The following BCL11B variants were observed in gnomAD, a reference collection of about 807,000 sequenced individuals.
BCL11B encodes B-cell lymphoma/leukemia 11B.
A neutral mutation model predicts 49.9 loss-of-function variants in BCL11B; 8 were observed. The ratio of observed to expected loss-of-function variants is 0.16; its 90% CI spans 0.09 to 0.29. BCL11B has a LOEUF of 0.29. Among genes scored for constraint, BCL11B ranks in the 10% least tolerant of loss-of-function variants. BCL11B has a pLI of 1.00. For missense variants in BCL11B, 1,006 were observed against 1,351.0 expected, an observed-to-expected ratio of 0.74 and a Z score of 4.00; for synonymous variants, 739 against 637.4, an observed-to-expected ratio of 1.16 and a Z score of -2.40.
intron 1 of BCL11B, among the ~76,000 whole-genome samples, chr14:99,268,924 G>C (rs1331515688): frequency 6.6e-6 from 1 of 152,124 alleles, no homozygotes; most frequent in East Asian, 1.9e-4. Context: ...AGCGAGACAG[G>C]GAACAAATGA....
intron 2 of BCL11B, among the ~76,000 whole-genome samples, chr14:99,233,577 C>T (rs1475255752): frequency 6.6e-6 from 1 of 152,152 alleles, no homozygotes; most frequent in Non-Finnish European, 1.5e-5. Context: ...ACTGAGAAAC[C>T]AGCAGAAGCA....
chr14:99,238,252 G>A (rs1358929349), intron 2 of BCL11B, among the ~76,000 whole-genome samples: 2 of 152,036 alleles, frequency 1.3e-5, no homozygotes, highest in African/African-American at 2.4e-5. Context: ...GTCCCCCACC[G>A]ACACTACCAA....
chr14:99,233,105 T>G (rs1162357188), intron 2 of BCL11B, among the ~76,000 whole-genome samples: 1 of 152,140 alleles, frequency 6.6e-6, no homozygotes, highest in East Asian at 1.9e-4. Context: ...CTAGATTTAG[T>G]GCCATCCCTC....
rs1435141236 is a variant in BCL11B at position 99,265,618 on chromosome 14, G to A, written c.58+5543C>T. On this transcript the variant is annotated intron_variant, in intron 1 of 3. Transcript: ENST00000357195. ...TTCTGCAGCTCAGAGACCACCGTCC[G>A]GCCCAAGACTTCGAGGTCACCGTGC... Among the ~76,000 whole-genome samples, 3 of 152,164 alleles carry A rather than the reference G, an allele frequency of 2.0e-5. No homozygotes were observed. The South Asian group carries it at 6.2e-4, about 32-fold the overall frequency.
At chr14:99,264,706 G>C (rs1232179249) in intron 1 of BCL11B, 1 of 152,128 alleles carries the variant, frequency 6.6e-6, no homozygotes, top group Admixed American at 6.5e-5. Flanking sequence ...CCGTGAATGT[G>C]GCACCATTCA....
chr14:99,199,305 A>G (rs1034618001), intron 3 of BCL11B, among the ~76,000 whole-genome samples: 2 of 152,164 alleles, frequency 1.3e-5, no homozygotes, highest in African/African-American at 4.8e-5. Flanking sequence ...ATACCACTGA[A>G]TTACAGGTTA....
chr14:99,175,335 C>T lies in BCL11B; in HGVS notation c.1501G>A (p.Gly501Ser), dbSNP rs532561475. Residue 501 changes from glycine (G) to serine (S), a missense_variant, in exon 4 of 4, where the codon GGC becomes AGC. By Grantham distance (56) the Gly-to-Ser change is moderately conservative. Coordinates refer to ENST00000357195, the MANE Select transcript of BCL11B (RefSeq NM_138576.4). The part of the protein sequence containing the change: ...GLSAASSPEP[G>S]TSELAGEGLK... ...CCCTCGCCCGCCAGCTCGCTGGTGCCGGGCTCGGGGGAGCTGGCGGCCGAG... is the reference window on the plus strand; with the variant it reads ...CCCTCGCCCGCCAGCTCGCTGGTGCTGGGCTCGGGGGAGCTGGCGGCCGAG... 15 of 1,551,228 alleles carry T rather than the reference C, an allele frequency of 9.7e-6. No homozygotes were observed. The Admixed American group carries it at 1.3e-4, about 14-fold the overall frequency.
chr14:99,218,232 ATTTT>A (rs34932370), intron 3 of BCL11B, among the ~76,000 whole-genome samples: 21 of 112,888 alleles, frequency 1.9e-4, no homozygotes, highest in Admixed American at 3.9e-4. Context: ...TGCCTGGCTA[ATTTT>A]TTTTTTTTTT....
intron 2 of BCL11B, among the ~76,000 whole-genome samples, chr14:99,254,884 C>T (rs1203800438): frequency 1.3e-5 from 2 of 152,316 alleles, no homozygotes; most frequent in Non-Finnish European, 1.5e-5. Flanking sequence ...ATTTATTTTA[C>T]AATAAATAAC....
At chr14:99,215,911 G>A (rs932974678) in intron 3 of BCL11B, among the ~76,000 whole-genome samples, 2 of 152,128 alleles carry the variant, frequency 1.3e-5, no homozygotes, top group East Asian at 3.9e-4. Flanking sequence ...GGGAAGTAGG[G>A]GCGAGACGCG....
intron 3 of BCL11B, among the ~76,000 whole-genome samples, chr14:99,208,095 G>A (rs1157102109): frequency 6.6e-6 from 1 of 152,228 alleles, no homozygotes; most frequent in East Asian, 1.9e-4. Flanking sequence ...AGCATAGGGA[G>A]ATGAGTCCAG....
In BCL11B at chr14:99,180,392, A is replaced by T. The variant is rs146350858; in HGVS notation, c.641-4197T>A. Among the ~76,000 whole-genome samples the T allele has an allele frequency of 4.0e-3, 612 of 152,176 alleles. 4 individuals carry two copies. The highest frequency in any genetic ancestry group is 0.017 in the Middle Eastern group (5 of 294). The stretch of plus-strand genomic sequence containing the variant: ...CCTTTCTCAGACATTTTTTGTATCC[A>T]CTGACAGAAACCCACACTGGATCTT... On this transcript the variant is annotated intron_variant, in intron 3 of 3. Coordinates refer to ENST00000357195, the MANE Select transcript of BCL11B (RefSeq NM_138576.4).
At chr14:99,176,692 C>T (rs942141123) in intron 3 of BCL11B, among the ~76,000 whole-genome samples, 4 of 152,032 alleles carry the variant, frequency 2.6e-5, no homozygotes, top group Non-Finnish European at 4.4e-5. Flanking sequence ...GGGGGCTGTC[C>T]TGCGCATTGC....
intron 3 of BCL11B, among the ~76,000 whole-genome samples, chr14:99,204,177 T>C (rs1887467605): frequency 6.6e-6 from 1 of 152,218 alleles, no homozygotes; most frequent in African/African-American, 2.4e-5. Flanking sequence ...GGTTCACTAA[T>C]GAGCCACCTG....
chr14:99,180,404 C>G (rs1886666785), intron 3 of BCL11B, among the ~76,000 whole-genome samples: 1 of 152,156 alleles, frequency 6.6e-6, no homozygotes, highest in Non-Finnish European at 1.5e-5. Context: ...TGACAGAAAC[C>G]CACACTGGAT....
chr14:99,175,703 G>T lies in BCL11B; in HGVS notation c.1133C>A (p.Pro378Gln). The part of the protein sequence containing the change: ...RELAGNSSTP[P>Q]PVSPGRGNPM... Reference sequence around the variant, plus strand: ...GTTGCCGCGGCCCGGGGACACGGGCGGCGGCGTGGAGCTGTTGCCCGCCAG... The same window carrying T: ...GTTGCCGCGGCCCGGGGACACGGGCTGCGGCGTGGAGCTGTTGCCCGCCAG... The change falls in exon 4 of 4, where the codon CCG becomes CAG. Residue 378 changes from proline (P) to glutamine (Q), a missense_variant. Pro to Gln is a moderately conservative substitution (Grantham distance 76). Coordinates refer to ENST00000357195, the MANE Select transcript of BCL11B (RefSeq NM_138576.4). 6.6e-7 allele frequency: 1 copy of T among 1,509,962 alleles called. No homozygotes were observed. The highest frequency in any genetic ancestry group is 8.7e-7 in the Non-Finnish European group (1 of 1,144,324). 93.5% of individuals were successfully genotyped at this position (1,509,962 alleles called of 1,614,324 possible).
intron 2 of BCL11B, among the ~76,000 whole-genome samples, chr14:99,253,115 C>T (rs538859232): frequency 8.5e-5 from 13 of 152,260 alleles, no homozygotes; most frequent in South Asian, 2.1e-4. Context: ...GAGGTGCAGA[C>T]GAGGAAACGG....
In BCL11B at chr14:99,199,713, C is replaced by T. The variant is rs561020313; in HGVS notation, c.641-23518G>A. On this transcript the variant is annotated intron_variant, in intron 3 of 3. Transcript: ENST00000357195. ...GCGCGCGCGCACGTGCACGTGTGTG[C>T]GTGTGTGCATGCATATGTGTGTGTG... Among the ~76,000 whole-genome samples the T allele has an allele frequency of 3.3e-3, 383 of 117,342 alleles. 3 individuals are homozygous for T. Among genetic ancestry groups the T allele is most frequent in the Middle Eastern group, 8.8e-3 (2 of 226 alleles). 77.0% of individuals were successfully genotyped at this position (117,342 alleles called of 152,430 possible). A position where few individuals can be genotyped will look rare whatever the true frequency, so the allele number is the denominator to read the frequency against.
intron 3 of BCL11B, among the ~76,000 whole-genome samples, chr14:99,176,741 T>C (rs1386894130): frequency 1.3e-5 from 2 of 152,084 alleles, no homozygotes; most frequent in Non-Finnish European, 2.9e-5. Context: ...ACCCACTAGA[T>C]AGATGCCAGG....
Sources: gnomAD v4.1 joint callset for allele counts (sites outside exome capture counted in the v4.1 genomes callset) on GRCh38, gnomAD v4.1.1 for gene constraint, MANE v1.5 for transcripts, NCBI Gene and HGNC (gene_info 2026-07-23, HGNC 2026-07-21) for gene names.